The following MARS1 variants were observed in gnomAD, a reference collection of about 807,000 sequenced individuals.
MARS1 encodes methionine--tRNA ligase, cytoplasmic.
A neutral mutation model predicts 119.5 loss-of-function variants in MARS1; 80 were observed. The observed-to-expected ratio is 0.67, with a 90% CI of 0.56 to 0.81. The LOEUF is 0.81. Ranked by LOEUF, MARS1 falls within the 30% of genes least tolerant of loss-of-function variation. The pLI is 0.00. For missense variants in MARS1, 945 were observed against 1,116.5 expected (o/e 0.85, Z 2.19); for synonymous variants, 418 against 433.4 (o/e 0.96, Z 0.44).
intron 7 of MARS1, among the ~76,000 whole-genome samples, chr12:57,493,308 T>A (rs1206461557): frequency 9.3e-6 from 1 of 108,052 alleles, no homozygotes; most frequent in Non-Finnish European, 1.7e-5. Context: ...ATATATAATA[T>A]ATATTATATA....
Position 57,515,141 on chromosome 12 carries a change from C to G in MARS1, c.2205-9C>G, listed in dbSNP as rs978075201. 1 of 1,614,210 alleles carries G rather than the reference C, an allele frequency of 6.2e-7. No homozygotes were observed. The highest frequency in any genetic ancestry group is 1.3e-5 in the African/African-American group (1 of 75,066). On this transcript the variant is annotated splice_polypyrimidine_tract_variant and intron_variant, in intron 17 of 20. Transcript: ENST00000262027. ...CTGGAGGTCTTGACTAATGTCTCCT[C>G]TTCCTCAGGCAACGGGCAGGAACAG...
At chr12:57,493,502 A>G (rs1326395579) in intron 7 of MARS1, among the ~76,000 whole-genome samples, 2 of 5,544 alleles carry the variant, frequency 3.6e-4, no homozygotes, top group Admixed American at 3.8e-3. Flanking sequence ...ATATTATAAT[A>G]TATAATATAT....
chr12:57,512,005 C>T lies in MARS1; in HGVS notation c.1540-3C>T, dbSNP rs372013808. 7.2e-5 allele frequency: 116 copies of T among 1,613,722 alleles called. No individual in the cohort carries two copies. The highest frequency in any genetic ancestry group is 9.4e-5 in the Non-Finnish European group (111 of 1,179,718). On this transcript the variant is annotated splice_polypyrimidine_tract_variant and splice_region_variant and intron_variant, in intron 12 of 20. Transcript: ENST00000262027. ...AACATGTTTACCTCCTTCTGACCTC[C>T]AGGTATTCTATGTCTGGTTTGATGC... is the stretch of plus-strand genomic sequence containing the variant.
At chr12:57,495,164 C>T (rs981255816) in intron 7 of MARS1, among the ~76,000 whole-genome samples, 5 of 149,506 alleles carry the variant, frequency 3.3e-5, no homozygotes, top group South Asian at 4.3e-4. Context: ...GGGTGGCTGC[C>T]GGGCGGGGGC....
chr12:57,502,728 A>C (rs1467140339), intron 10 of MARS1, among the ~76,000 whole-genome samples: 1 of 139,058 alleles, frequency 7.2e-6, no homozygotes, highest in East Asian at 2.1e-4. Context: ...AAAAAGCAAC[A>C]ACAACAAAAA....
intron 18 of MARS1, 47 bp from the exon 19 acceptor site, chr12:57,515,873 G>A (rs763740787): frequency 6.0e-5 from 86 of 1,436,554 alleles, no homozygotes; most frequent in Non-Finnish European, 8.3e-5. Flanking sequence ...GTCTATGGTA[G>A]AGTCTGTATC....
At chr12:57,506,020 T>A (rs1281417579) in intron 11 of MARS1, among the ~76,000 whole-genome samples, 1 of 151,520 alleles carries the variant, frequency 6.6e-6, no homozygotes, top group African/African-American at 2.4e-5. Flanking sequence ...TTGCAAGGGC[T>A]ACCTAGGTGG....
At chr12:57,488,935 A>G in intron 1 of MARS1, 84 bp from the exon 2 acceptor site, 5 of 1,109,162 alleles carry the variant, frequency 4.5e-6, no homozygotes, top group Non-Finnish European at 6.8e-6. Context: ...TACTCACTGA[A>G]CAATGCAAGG....
intron 11 of MARS1, among the ~76,000 whole-genome samples, chr12:57,511,008 A>G (rs1674943821): frequency 6.6e-6 from 1 of 152,082 alleles, no homozygotes; most frequent in African/African-American, 2.4e-5. Flanking sequence ...TGGGAGGTTG[A>G]GGCTGCAGTG....
rs1877697304 is a variant in MARS1 at position 57,514,762 on chromosome 12, T to C, written c.2010T>C (p.Pro670=). Residue 670 remains proline, a synonymous_variant, in exon 16 of 21, where the codon CCT becomes CCC. Transcript: ENST00000262027. ...FVSKFFGGYV[P]EMVLTPDDQR... is the part of the protein sequence containing the mutation. ...CTAAGTTCTTTGGGGGCTATGTGCCTGAGATGGTGCTCACCCCTGATGATC... is the reference window on the plus strand; with the variant it reads ...CTAAGTTCTTTGGGGGCTATGTGCCCGAGATGGTGCTCACCCCTGATGATC... 2 of 1,614,102 alleles carry C rather than the reference T, an allele frequency of 1.2e-6. No individual in the cohort carries two copies. Among genetic ancestry groups the C allele is most frequent in the Admixed American group, 3.3e-5 (2 of 60,012 alleles).
chr12:57,515,891 T>A, intron 18 of MARS1, 29 bp from the exon 19 acceptor site: 2 of 1,560,214 alleles, frequency 1.3e-6, no homozygotes, highest in Non-Finnish European at 1.8e-6. Context: ...ATCCAATCAG[T>A]AGATGATTCT....
Position 57,489,901 on chromosome 12 carries a change from A to G in MARS1, c.420A>G (p.Thr140=), listed in dbSNP as rs2139998773. 3 of 1,614,128 alleles carry G rather than the reference A, an allele frequency of 1.9e-6. No individual in the cohort carries two copies. In the East Asian group the frequency reaches 6.7e-5, roughly 36 times the overall value. Residue 140 remains threonine (T), a synonymous_variant, in exon 5 of 21, where the codon ACA becomes ACG. Transcript: ENST00000262027. The part of the protein sequence containing the change: ...RQNCPFLAGE[T]ESLADIVLWG... ...CTTTTCTATCCCCAACAAAGGAGAC[A>G]GAATCTCTAGCCGACATTGTTTTGT...
intron 7 of MARS1, among the ~76,000 whole-genome samples, chr12:57,496,372 G>A (rs1031818371): frequency 6.6e-6 from 1 of 150,610 alleles, no homozygotes; most frequent in Admixed American, 6.6e-5. Context: ...TACCATGTTG[G>A]CCAGGCTGGT....
At chr12:57,496,819 T>G (rs1025723025) in intron 7 of MARS1, among the ~76,000 whole-genome samples, 2 of 151,630 alleles carry the variant, frequency 1.3e-5, no homozygotes, top group African/African-American at 4.8e-5. Flanking sequence ...CAGGCATGTA[T>G]ACAGGCAAAT....
intron 11 of MARS1, among the ~76,000 whole-genome samples, chr12:57,508,319 G>A (rs2140029348): frequency 6.6e-6 from 1 of 152,270 alleles, no homozygotes; most frequent in African/African-American, 2.4e-5. Flanking sequence ...CAGCTGGGAG[G>A]TGGAGGTTGT....
chr12:57,511,578 G>A (rs1190303991), intron 11 of MARS1, 120 bp from the exon 12 acceptor site: 1 of 971,658 alleles, frequency 1.0e-6, no homozygotes, highest in Non-Finnish European at 1.6e-6. Context: ...GCAAGACTCT[G>A]TCTCCAAAAA....
At chr12:57,495,379 G>C (rs575081342) in intron 7 of MARS1, among the ~76,000 whole-genome samples, 1 of 146,264 alleles carries the variant, frequency 6.8e-6, no homozygotes, top group South Asian at 2.1e-4. Context: ...CGGCCGGGCA[G>C]AGGCGCTCCT....
intron 7 of MARS1, among the ~76,000 whole-genome samples, chr12:57,493,782 T>TTATATATTATAATATAA (rs1876348841): frequency 2.7e-3 from 5 of 1,864 alleles, no homozygotes; most frequent in Admixed American, 0.05. Context: ...ATAATATATA[T>TTATATATTATAATATAA]TATATATTAT....
intron 7 of MARS1, among the ~76,000 whole-genome samples, chr12:57,494,194 GA>G (rs1876454734): frequency 6.6e-6 from 1 of 150,938 alleles, no homozygotes; most frequent in Non-Finnish European, 1.5e-5. Context: ...GACCTCAGGG[GA>G]TCCACCTGCC....
Sources: gnomAD v4.1 joint callset for allele counts (sites outside exome capture counted in the v4.1 genomes callset) on GRCh38, gnomAD v4.1.1 for gene constraint, MANE v1.5 for transcripts, NCBI Gene and HGNC (gene_info 2026-07-23, HGNC 2026-07-21) for gene names.